PIK3C2B: variants seen among roughly 807,000 people sequenced by gnomAD.
PIK3C2B encodes the protein phosphatidylinositol-4-phosphate 3-kinase catalytic subunit type 2 beta, also known as phosphatidylinositol 4-phosphate 3-kinase C2 domain-containing subunit beta.
PIK3C2B carries 83 observed loss-of-function variants against 184.3 expected under a neutral mutation model. That is an observed-to-expected ratio of 0.45 (90% CI 0.38 to 0.54). The LOEUF is 0.54. PIK3C2B is among the 20% of genes least tolerant of loss of function. The pLI, the probability that PIK3C2B is intolerant of heterozygous loss-of-function variation, is 0.00. For synonymous variants in PIK3C2B, 779 were observed against 837.6 expected, an observed-to-expected ratio of 0.93 and a Z score of 1.21; for missense variants, 1,736 against 2,113.5, an observed-to-expected ratio of 0.82 and a Z score of 3.50.
intron 15 of PIK3C2B, among the ~76,000 whole-genome samples, chr1:204,446,594 T>C (rs1653891867): frequency 1.3e-5 from 2 of 152,128 alleles, no homozygotes; most frequent in Non-Finnish European, 2.9e-5. Flanking sequence ...CCAGGGTCTG[T>C]GCTGCTGAGA....
rs1675083365 is a variant in PIK3C2B at position 204,431,896 on chromosome 1, A to G, written c.4156-103T>C. 5 of 1,312,530 alleles carry G rather than the reference A, an allele frequency of 3.8e-6. No individual in the cohort carries two copies. In the South Asian group the frequency reaches 6.0e-5, roughly 16 times the overall value. The allele number at this position is 1,312,530 out of a possible 1,614,324, so 81.3% of individuals were successfully genotyped here. A position where few individuals can be genotyped will look rare whatever the true frequency, so the allele number is the denominator to read the frequency against. ...GTATGTATGTGCTGAGGGGAGGGGC[A>G]CATTCCAGAAGGAAGAGAGCAAGAG... On this transcript the variant is annotated intron_variant, in intron 27 of 32. Transcript: ENST00000684373.
Position 204,433,720 on chromosome 1 carries a change from C to A in PIK3C2B, c.3843+73G>T. ...GTAAATCTCTAGAAATCCTCTGCGG[C>A]AAGACAGGGAAGTCTTAAAGATGAT... On this transcript the variant is annotated intron_variant, in intron 25 of 32. Coordinates refer to ENST00000684373, the MANE Select transcript of PIK3C2B (RefSeq NM_001377334.1). This position sits in a 1 kb window ranked among gnomAD's most constrained non-coding sequence, Gnocchi z 5.0. The A allele has an allele frequency of 7.2e-7, 1 of 1,398,420 alleles. No individual in the cohort carries two copies. Among genetic ancestry groups the A allele is most frequent in the South Asian group, 1.2e-5 (1 of 83,138 alleles). The allele number at this position is 1,398,420 out of a possible 1,614,324, so 86.6% of individuals were successfully genotyped here.
Position 204,424,599 on chromosome 1 carries a change from A to C in PIK3C2B, c.*253T>G. 1 of 651,630 alleles carries C rather than the reference A, an allele frequency of 1.5e-6. No homozygotes were observed. 40.4% of individuals were successfully genotyped at this position (651,630 alleles called of 1,614,324 possible). On this transcript the variant is annotated 3_prime_UTR_variant, in exon 33 of 33. Transcript: ENST00000684373. ...TGCTCCCTTGACACAAGGTAAACTT[A>C]AAACTTTGCTGCAACCTCACAGCCT...
At chr1:204,460,212 C>G (rs1204430338) in intron 7 of PIK3C2B, 112 bp downstream of exon 7, 9 of 868,584 alleles carry the variant, frequency 1.0e-5, no homozygotes, top group Non-Finnish European at 1.7e-5. Context: ...GGCCCCAACC[C>G]CTGACACCTG....
intron 23 of PIK3C2B, among the ~76,000 whole-genome samples, chr1:204,438,131 T>A (rs778771198): frequency 9.9e-5 from 15 of 152,258 alleles, no homozygotes; most frequent in Admixed American, 5.2e-4. Flanking sequence ...CCCTCCAGGA[T>A]AAAGTACATT....
intron 19 of PIK3C2B, among the ~76,000 whole-genome samples, 161 bp from the exon 20 acceptor site, chr1:204,442,794 C>T (rs1675741229): frequency 6.6e-6 from 1 of 152,218 alleles, no homozygotes; most frequent in Non-Finnish European, 1.5e-5. Flanking sequence ...GGACCCCCTA[C>T]ACCCCAGCCT....
rs61762595 is a variant in PIK3C2B, at chr1:204,458,554, C to T, written c.1567-680G>A. On this transcript the variant is annotated intron_variant, in intron 8 of 32. Transcript: ENST00000684373. ...TGTCACCCAGGCTAGAGTGCAATGGCGCGATCTCGGCTCACTGCAACCTCT... is the reference window on the plus strand; with the variant it reads ...TGTCACCCAGGCTAGAGTGCAATGGTGCGATCTCGGCTCACTGCAACCTCT... Among the ~76,000 whole-genome samples the T allele has an allele frequency of 2.0e-3, 294 of 150,018 alleles. 2 individuals are homozygous for T. The highest frequency in any genetic ancestry group is 7.1e-3 in the African/African-American group (287 of 40,644).
chr1:204,490,595 C>A (rs1168267749), intron 1 of PIK3C2B, among the ~76,000 whole-genome samples: 2 of 152,036 alleles, frequency 1.3e-5, no homozygotes, highest in Admixed American at 6.6e-5. Context: ...TGGCCCAGGT[C>A]CTTTCCAGTT....
At chr1:204,465,180 ATAG>A in intron 3 of PIK3C2B, 36 bp downstream of exon 3, 21 of 655,782 alleles carry the variant, frequency 3.2e-5, no homozygotes, top group East Asian at 2.4e-4. Flanking sequence ...CCCATCCCCC[ATAG>A]CCCTCCCAAA....
intron 8 of PIK3C2B, 124 bp downstream of exon 8, chr1:204,459,754 C>T: frequency 2.5e-6 from 2 of 796,206 alleles, no homozygotes; most frequent in South Asian, 1.5e-5. Context: ...AAAAGAAGTG[C>T]TCTGCCAACA....
chr1:204,431,364 T>C (rs1675045041), intron 28 of PIK3C2B: 4 of 426,220 alleles, frequency 9.4e-6, no homozygotes, highest in Admixed American at 3.5e-5. Flanking sequence ...TATGTACATA[T>C]GACATTTTGC....
chr1:204,477,378 C>T (rs1258443174), intron 1 of PIK3C2B, among the ~76,000 whole-genome samples: 1 of 152,076 alleles, frequency 6.6e-6, no homozygotes, highest in Non-Finnish European at 1.5e-5. Flanking sequence ...GTAGAGGCAC[C>T]CCAAAAAGCA....
At position 204,438,820 on chromosome 1, in the gene PIK3C2B, T is replaced by C. The variant is rs1675489291; in HGVS notation, c.3516+115A>G. The C allele has an allele frequency of 1.3e-5, 15 of 1,197,006 alleles. No individual in the cohort carries two copies. In the South Asian group the frequency reaches 2.1e-4, roughly 16 times the overall value. 74.1% of individuals were successfully genotyped at this position (1,197,006 alleles called of 1,614,324 possible). On this transcript the variant is annotated intron_variant, in intron 23 of 32. Coordinates refer to ENST00000684373, the MANE Select transcript of PIK3C2B (RefSeq NM_001377334.1). The stretch of plus-strand genomic sequence containing the variant: ...TCAACCAAGAAAGGGTAGGTCCTTC[T>C]GCCAACAAAGCTGAGCTGTCCTCTC...
chr1:204,484,269 T>C (rs1343407604), intron 1 of PIK3C2B, among the ~76,000 whole-genome samples: 1 of 152,262 alleles, frequency 6.6e-6, no homozygotes, highest in Non-Finnish European at 1.5e-5. Flanking sequence ...GTTATCATCC[T>C]TCTTTTATGG....
chr1:204,431,852 G>T, intron 27 of PIK3C2B, 59 bp from the exon 28 acceptor site: 6 of 1,606,060 alleles, frequency 3.7e-6, no homozygotes, highest in Non-Finnish European at 5.1e-6. Flanking sequence ...AGTGAAGGGT[G>T]TAGGAAAGGT....
intron 1 of PIK3C2B, among the ~76,000 whole-genome samples, chr1:204,478,417 G>T (rs931967044): frequency 6.6e-6 from 1 of 152,144 alleles, no homozygotes; most frequent in Non-Finnish European, 1.5e-5. Context: ...GGTGTATTAA[G>T]GTCAAGCAAG....
intron 1 of PIK3C2B, chr1:204,489,810 T>G (rs1489707264): frequency 5.0e-6 from 2 of 397,984 alleles, no homozygotes; most frequent in Non-Finnish European, 8.9e-6. Flanking sequence ...CAAAAAGAAC[T>G]CATACCTGAT....
intron 23 of PIK3C2B, among the ~76,000 whole-genome samples, chr1:204,436,128 G>A (rs1176988901): frequency 6.6e-6 from 1 of 152,250 alleles, no homozygotes; most frequent in Non-Finnish European, 1.5e-5. Flanking sequence ...GGGACACTCT[G>A]CCTCTGATTT....
At chr1:204,491,896 G>A (rs923664524) in intron 1 of PIK3C2B, among the ~76,000 whole-genome samples, 4 of 152,122 alleles carry the variant, frequency 2.6e-5, no homozygotes, top group African/African-American at 7.2e-5. Flanking sequence ...GCCTTTGGAA[G>A]GTGTTTATCC....
Sources: gnomAD v4.1 joint callset for allele counts (sites outside exome capture counted in the v4.1 genomes callset) on GRCh38, gnomAD v4.1.1 for gene constraint, Gnocchi (gnomAD v3.1) non-coding constraint, MANE v1.5 for transcripts, NCBI Gene and HGNC (gene_info 2026-07-23, HGNC 2026-07-21) for gene names.